LINGO2: variants seen among roughly 807,000 people sequenced by gnomAD.
The protein encoded by LINGO2 is leucine rich repeat and Ig domain containing 2, also known as leucine-rich repeat and immunoglobulin-like domain-containing nogo receptor-interacting protein 2.
LINGO2 carries 14 observed loss-of-function variants against 30.6 expected under a neutral mutation model. That is an observed-to-expected ratio of 0.46 (90% CI 0.30 to 0.72). The LOEUF (loss-of-function observed/expected upper bound fraction) is 0.72, where lower values mean the gene tolerates loss of function less well. LINGO2 is among the 30% of genes least tolerant of loss of function. LINGO2 has a pLI of 0.07. For synonymous variants in LINGO2, 317 were observed against 288.5 expected, an observed-to-expected ratio of 1.10 and a Z score of -1.00; for missense variants, 729 against 751.7, an observed-to-expected ratio of 0.97 and a Z score of 0.35.
At chr9:28,649,983 G>A (rs779236705) in intron 1 of LINGO2, among the ~76,000 whole-genome samples, 2 of 151,824 alleles carry the variant, frequency 1.3e-5, no homozygotes, top group Non-Finnish European at 2.9e-5. Flanking sequence ...GCCTTACCCA[G>A]TGGAAGAGCC....
At chr9:28,802,087 A>T in the LINGO2 span, among the ~76,000 whole-genome samples, 4 of 151,874 alleles carry the variant, frequency 2.6e-5, no homozygotes, top group Non-Finnish European at 5.9e-5. Context: ...GAATGTTTAT[A>T]TGAATATTTA....
chr9:28,557,825 A>G (rs376662022), intron 1 of LINGO2, among the ~76,000 whole-genome samples: 10 of 151,706 alleles, frequency 6.6e-5, no homozygotes, highest in South Asian at 2.1e-4. Context: ...CATAAAAAAT[A>G]ATGAGTTCAT....
intron 3 of LINGO2, among the ~76,000 whole-genome samples, chr9:28,355,047 A>C (rs1314664331): frequency 6.6e-6 from 1 of 152,180 alleles, no homozygotes; most frequent in Non-Finnish European, 1.5e-5. Context: ...AAACTTACCC[A>C]AAACATTCTA....
At chr9:28,389,503 TA>T (rs1213835493) in intron 2 of LINGO2, among the ~76,000 whole-genome samples, 1 of 152,194 alleles carries the variant, frequency 6.6e-6, no homozygotes, top group Non-Finnish European at 1.5e-5. Flanking sequence ...ATGTCTTCCA[TA>T]AATGTTGACA....
At chr9:28,833,979 G>A in the LINGO2 span, among the ~76,000 whole-genome samples, 1 of 150,466 alleles carries the variant, frequency 6.6e-6, no homozygotes. Flanking sequence ...TTTTTAGCCT[G>A]CACAATTTGA....
intron 3 of LINGO2, among the ~76,000 whole-genome samples, chr9:28,297,594 G>T (rs2134193248): frequency 6.6e-6 from 1 of 152,270 alleles, no homozygotes; most frequent in South Asian, 2.1e-4. Context: ...CCAGAGCTGG[G>T]AAATTCATGA....
At chr9:28,237,920 A>G (rs927410635) in intron 4 of LINGO2, among the ~76,000 whole-genome samples, 2 of 152,172 alleles carry the variant, frequency 1.3e-5, no homozygotes, top group African/African-American at 4.8e-5. Flanking sequence ...TAGATTGAAA[A>G]TAAAGAAATG....
chr9:29,105,365 T>C, the LINGO2 span, among the ~76,000 whole-genome samples: 1 of 152,198 alleles, frequency 6.6e-6, no homozygotes, highest in African/African-American at 2.4e-5. Context: ...AGAAGGTTTC[T>C]GAATGTATGC....
intron 4 of LINGO2, among the ~76,000 whole-genome samples, chr9:28,228,762 T>A (rs1040728521): frequency 3.0e-4 from 45 of 151,692 alleles, no homozygotes; most frequent in Admixed American, 6.6e-5. Flanking sequence ...AAATTATTCT[T>A]AAAACAAAAT....
At chr9:28,045,241 A>C (rs1374528086) in intron 4 of LINGO2, among the ~76,000 whole-genome samples, 3 of 152,096 alleles carry the variant, frequency 2.0e-5, no homozygotes, top group African/African-American at 7.2e-5. Context: ...AATCTAAAAC[A>C]CTGAGCCTGT....
At chr9:28,844,946 T>G in the LINGO2 span, among the ~76,000 whole-genome samples, 1 of 151,926 alleles carries the variant, frequency 6.6e-6, no homozygotes, top group African/African-American at 2.4e-5. Flanking sequence ...CTCTTCTTTA[T>G]CATTTATCCA....
the LINGO2 span, among the ~76,000 whole-genome samples, chr9:29,017,065 T>C: frequency 3.3e-5 from 5 of 152,182 alleles, no homozygotes; most frequent in Non-Finnish European, 7.4e-5. Context: ...AGGTTAGAGA[T>C]TCAAAACATG....
the LINGO2 span, among the ~76,000 whole-genome samples, chr9:29,210,011 C>A: frequency 6.6e-6 from 1 of 152,058 alleles, no homozygotes; most frequent in African/African-American, 2.4e-5. Flanking sequence ...AGAGACCAAA[C>A]GAAATCAACC....
At chr9:28,984,767 CG>C in the LINGO2 span, among the ~76,000 whole-genome samples, 2 of 151,932 alleles carry the variant, frequency 1.3e-5, no homozygotes, top group Non-Finnish European at 2.9e-5. Flanking sequence ...TACATATTCA[CG>C]GGATACAAAA....
At chr9:29,195,062 A>C in the LINGO2 span, among the ~76,000 whole-genome samples, 5 of 148,198 alleles carry the variant, frequency 3.4e-5, no homozygotes, top group Admixed American at 2.1e-4. Flanking sequence ...GTCAAGCACT[A>C]ATCTTTTTTC....
chr9:28,798,986 G>C, the LINGO2 span, among the ~76,000 whole-genome samples: 1 of 152,002 alleles, frequency 6.6e-6, no homozygotes, highest in Admixed American at 6.6e-5. Context: ...TGAGAAGGAG[G>C]AACAGAAAAA....
At chr9:29,111,949 CTT>C in the LINGO2 span, among the ~76,000 whole-genome samples, 1 of 71,526 alleles carries the variant, frequency 1.4e-5, no homozygotes, top group Non-Finnish European at 3.0e-5. Flanking sequence ...TGTATTTAAT[CTT>C]TTAAAATAAA....
chr9:28,732,177 C>T, the LINGO2 span, among the ~76,000 whole-genome samples: 2 of 151,844 alleles, frequency 1.3e-5, no homozygotes, highest in Non-Finnish European at 2.9e-5. Flanking sequence ...AAAAAGTCTC[C>T]CAGAAAAAAT....
chr9:28,867,548 T>G, the LINGO2 span, among the ~76,000 whole-genome samples: 1 of 151,690 alleles, frequency 6.6e-6, no homozygotes, highest in Admixed American at 6.6e-5. Context: ...TGCCATAAAT[T>G]ACAGAGAATC....
Sources: gnomAD v4.1 joint callset for allele counts (sites outside exome capture counted in the v4.1 genomes callset) on GRCh38, gnomAD v4.1.1 for gene constraint, MANE v1.5 for transcripts, NCBI Gene and HGNC (gene_info 2026-07-23, HGNC 2026-07-21) for gene names.